SMTNL2: variants seen among roughly 807,000 people sequenced by gnomAD.
SMTNL2 encodes smoothelin-like protein 2.
SMTNL2 carries 43 observed loss-of-function variants against 44.1 expected under a neutral mutation model. The ratio of observed to expected loss-of-function variants is 0.98; its 90% CI spans 0.76 to 1.26. The LOEUF is 1.26. Ranked by LOEUF, SMTNL2 falls within the 50% of genes most tolerant of loss-of-function variation. SMTNL2 has a pLI of 0.00. For missense variants in SMTNL2, 646 were observed against 670.2 expected, an observed-to-expected ratio of 0.96 and a Z score of 0.40; for synonymous variants, 317 against 287.6, an observed-to-expected ratio of 1.10 and a Z score of -1.03.
rs376339651 is a variant in SMTNL2, at chr17:4,594,035, G to C, written c.806+138G>C. The C allele has an allele frequency of 8.8e-6, 7 of 798,742 alleles. No individual in the cohort carries two copies. In the South Asian group the frequency reaches 9.8e-5, roughly 11 times the overall value. The allele number at this position is 798,742 out of a possible 1,614,324, so 49.5% of individuals were successfully genotyped here. A position where few individuals can be genotyped will look rare whatever the true frequency, so the allele number is the denominator to read the frequency against. On this transcript the variant is annotated intron_variant, in intron 4 of 7. Transcript: ENST00000389313. ...GGGCTGGATCTCGGGAGCACTGGGCGGCAGGATGGGGGGAAGGTCTGAGCA... is the reference window on the plus strand; with the variant it reads ...GGGCTGGATCTCGGGAGCACTGGGCCGCAGGATGGGGGGAAGGTCTGAGCA...
rs1909284540 is a variant in SMTNL2, at chr17:4,584,960, C to A, written c.355C>A (p.Arg119Ser). 1 of 1,370,486 alleles carries A rather than the reference C, an allele frequency of 7.3e-7. No individual in the cohort carries two copies. The highest frequency in any genetic ancestry group is 9.4e-7 in the Non-Finnish European group (1 of 1,063,764). 84.9% of individuals were successfully genotyped at this position (1,370,486 alleles called of 1,614,324 possible). A position where few individuals can be genotyped will look rare whatever the true frequency, so the allele number is the denominator to read the frequency against. The change falls in exon 1 of 8, where the codon CGC becomes AGC. Residue 119 changes from arginine (R) to serine (S), a missense_variant. By Grantham distance (110) the Arg-to-Ser change is moderately radical (BLOSUM62 -1). Coordinates refer to ENST00000389313, the MANE Select transcript of SMTNL2 (RefSeq NM_001114974.2). ...PDRAPRLGSA[R>S]FASHATFSLS... is the part of the protein sequence containing the mutation. ...CCGCGCGCCCCGCCTGGGCAGCGCA[C>A]GCTTCGCCAGCCACGCCACCTTCTC...
In SMTNL2 at chr17:4,607,529, G is replaced by T. The variant is rs1427107658; in HGVS notation, c.*42G>T. On this transcript the variant is annotated 3_prime_UTR_variant, in exon 8 of 8. Coordinates refer to ENST00000389313, the MANE Select transcript of SMTNL2 (RefSeq NM_001114974.2). The surrounding 1 kb of genome is among the most constrained non-coding windows in gnomAD (Gnocchi z 4.7). ...TTGCCAAAGAGCAGCCCCAGGAAGA[G>T]GCCGGGGGTCCGCTTGCGATTCCCC... The T allele has an allele frequency of 6.3e-7, 1 of 1,599,314 alleles. No homozygotes were observed. The highest frequency in any genetic ancestry group is 1.3e-5 in the African/African-American group (1 of 74,742).
At chr17:4,597,738 A>G (rs1197049312) in intron 7 of SMTNL2, among the ~76,000 whole-genome samples, 4 of 152,244 alleles carry the variant, frequency 2.6e-5, no homozygotes, top group Admixed American at 1.3e-4. Flanking sequence ...GGAACTGGAT[A>G]TGACCTGGGC....
rs1299781321 is a variant in SMTNL2, at chr17:4,593,097, T to G, written c.656T>G (p.Met219Arg). 6.2e-7 allele frequency: 1 copy of G among 1,613,736 alleles called. No individual in the cohort carries two copies. The highest frequency in any genetic ancestry group is 8.5e-7 in the Non-Finnish European group (1 of 1,179,938). Residue 219 changes from methionine to arginine, a missense_variant, in exon 3 of 8, where the codon ATG (methionine) becomes AGG (arginine). Met to Arg is a moderately conservative substitution (Grantham distance 91). Transcript: ENST00000389313. Reference sequence around the variant, plus strand: ...ACCTCAGCTGCGGCTCTATCACCCATGTCTGCTGCCACCCTGGGGGGCCTC... The same window carrying G: ...ACCTCAGCTGCGGCTCTATCACCCAGGTCTGCTGCCACCCTGGGGGGCCTC... ...GETSAAALSP[M>R]SAATLGGLNP...
intron 7 of SMTNL2, among the ~76,000 whole-genome samples, chr17:4,601,872 T>TG (rs1443595244): frequency 6.6e-6 from 1 of 151,146 alleles, no homozygotes; most frequent in Non-Finnish European, 1.5e-5. Context: ...CAGTTGTTGT[T>TG]TTTTTTTTAA....
intron 7 of SMTNL2, among the ~76,000 whole-genome samples, chr17:4,605,830 G>A (rs1910250982): frequency 1.3e-5 from 2 of 152,152 alleles, no homozygotes. Flanking sequence ...GGGGACCCAG[G>A]CATACTGTAA....
chr17:4,591,509 C>T (rs1031143198), intron 1 of SMTNL2, among the ~76,000 whole-genome samples: 1 of 152,238 alleles, frequency 6.6e-6, no homozygotes, highest in African/African-American at 2.4e-5. Context: ...CCTCGGGCCC[C>T]ATCTCTGAAA....
intron 4 of SMTNL2, among the ~76,000 whole-genome samples, chr17:4,594,649 G>A (rs1202630415): frequency 6.6e-6 from 1 of 151,790 alleles, no homozygotes; most frequent in Non-Finnish European, 1.5e-5. Flanking sequence ...TGTGGCACAG[G>A]CCTCCCCCCA....
Position 4,600,188 on chromosome 17 carries a change from A to G in SMTNL2, c.1259+2865A>G, listed in dbSNP as rs961334386. 1.2e-4 allele frequency among the ~76,000 whole-genome samples: 18 copies of G among 152,272 alleles called. 1 individual carries two copies. The highest frequency in any genetic ancestry group is 2.0e-4 in the Admixed American group (3 of 15,302). ...GCCTCTGGGGAGGACGACAGCTTGGATCACCTCATTTGTTGGACAATAGGC... is the reference window on the plus strand; with the variant it reads ...GCCTCTGGGGAGGACGACAGCTTGGGTCACCTCATTTGTTGGACAATAGGC... On this transcript the variant is annotated intron_variant, in intron 7 of 7. Transcript: ENST00000389313. This position sits in a 1 kb window ranked among gnomAD's most constrained non-coding sequence, Gnocchi z 4.7.
chr17:4,593,609 G>T (rs1039494623), intron 3 of SMTNL2, among the ~76,000 whole-genome samples: 8 of 152,202 alleles, frequency 5.3e-5, no homozygotes, highest in African/African-American at 9.7e-5. Context: ...GGCGGGGACA[G>T]TTGAAAAGAC....
intron 5 of SMTNL2, 47 bp from the exon 6 acceptor site, chr17:4,596,813 A>T (rs55780953): frequency 0.16 from 228,124 of 1,399,056 alleles, 20,488 homozygotes; most frequent in Non-Finnish European, 0.19. Flanking sequence ...GCACTGGGAG[A>T]TGGCAGCTGG....
chr17:4,603,576 A>G (rs1910130494), intron 7 of SMTNL2, among the ~76,000 whole-genome samples: 1 of 151,942 alleles, frequency 6.6e-6, no homozygotes, highest in South Asian at 2.1e-4. Context: ...GGTGCTTCTG[A>G]CGGGGGTGTT....
Position 4,595,019 on chromosome 17 carries a change from T to A in SMTNL2, c.807-126T>A. ...AGCTAGGGACCGGAGCAAGGGGGCC[T>A]CTTCTCTGAGCGCCCATCACGGTGC... is the stretch of plus-strand genomic sequence containing the variant. On this transcript the variant is annotated intron_variant, in intron 4 of 7. Transcript: ENST00000389313. This position sits in a 1 kb window ranked among gnomAD's most constrained non-coding sequence, Gnocchi z 5.1. 7.7e-7 allele frequency: 1 copy of A among 1,297,686 alleles called. No individual in the cohort carries two copies. Among genetic ancestry groups the A allele is most frequent in the South Asian group, 1.3e-5 (1 of 78,578 alleles). 80.4% of individuals were successfully genotyped at this position (1,297,686 alleles called of 1,614,324 possible). A position where few individuals can be genotyped will look rare whatever the true frequency, so the allele number is the denominator to read the frequency against.
At chr17:4,590,326 G>T (rs1909521555) in intron 1 of SMTNL2, among the ~76,000 whole-genome samples, 2 of 151,866 alleles carry the variant, frequency 1.3e-5, no homozygotes, top group South Asian at 4.2e-4. Flanking sequence ...CATTCTTCAG[G>T]GGCTCCTCCT....
intron 7 of SMTNL2, among the ~76,000 whole-genome samples, chr17:4,605,891 CTGT>C (rs1272024994): frequency 1.3e-5 from 2 of 152,102 alleles, no homozygotes; most frequent in South Asian, 2.1e-4. Flanking sequence ...CAGAGGCTGT[CTGT>C]TGTTATTTCA....
chr17:4,594,477 A>AAATG (rs955241294), intron 4 of SMTNL2, among the ~76,000 whole-genome samples: 43 of 151,892 alleles, frequency 2.8e-4, no homozygotes, highest in Middle Eastern at 3.4e-3. Flanking sequence ...ATAAATAAAT[A>AAATG]AATGAATAAA....
At chr17:4,606,353 C>A (rs1910278680) in intron 7 of SMTNL2, among the ~76,000 whole-genome samples, 1 of 151,140 alleles carries the variant, frequency 6.6e-6, no homozygotes, top group Admixed American at 6.6e-5. Flanking sequence ...AACTCCTGAC[C>A]TCAGGTGACC....
chr17:4,596,879 G>C lies in SMTNL2; in HGVS notation c.1009G>C (p.Ala337Pro). The change falls in exon 6 of 8, where the codon GCC becomes CCC. Residue 337 changes from alanine to proline, a missense_variant. Coordinates refer to ENST00000389313, the MANE Select transcript of SMTNL2 (RefSeq NM_001114974.2). ...CCGCAGGGGGAAAGGCGAGGCCCGGGCCAGGCTGAAGCGGTCGCAGAGCTT... is the reference window on the plus strand; with the variant it reads ...CCGCAGGGGGAAAGGCGAGGCCCGGCCCAGGCTGAAGCGGTCGCAGAGCTT... ...AAGKGKGEARARLKRSQSFGV... is the reference protein window; with the variant it reads ...AAGKGKGEARPRLKRSQSFGV... 1 of 1,498,420 alleles carries C rather than the reference G, an allele frequency of 6.7e-7. No individual in the cohort carries two copies. The highest frequency in any genetic ancestry group is 1.2e-5 in the South Asian group (1 of 80,028). 92.8% of individuals were successfully genotyped at this position (1,498,420 alleles called of 1,614,324 possible).
At position 4,584,564 on chromosome 17, in the gene SMTNL2, C is replaced by T; in HGVS notation, c.-42C>T. On this transcript the variant is annotated 5_prime_UTR_variant, in exon 1 of 8. Coordinates refer to ENST00000389313, the MANE Select transcript of SMTNL2 (RefSeq NM_001114974.2). ...CGGAGCTGCGGAGCTCGGATCTTCT[C>T]CCCCGTCTGGCCCGCTCTCGACCCG... 6 of 1,217,970 alleles carry T rather than the reference C, an allele frequency of 4.9e-6. No individual in the cohort carries two copies. The highest frequency in any genetic ancestry group is 5.1e-6 in the Non-Finnish European group (5 of 978,834). 75.4% of individuals were successfully genotyped at this position (1,217,970 alleles called of 1,614,324 possible).
Sources: allele counts gnomAD v4.1 joint callset (sites outside exome capture counted in the v4.1 genomes callset), GRCh38; gene constraint gnomAD v4.1.1; non-coding constraint Gnocchi (gnomAD v3.1); transcripts MANE v1.5; gene names NCBI Gene and HGNC (gene_info 2026-07-23, HGNC 2026-07-21).